Variants in MS4A15 observed in about 807,000 individuals in gnomAD.
MS4A15 encodes the protein membrane spanning 4-domains A15.
MS4A15 carries 22 observed loss-of-function variants against 20.6 expected under a neutral mutation model. The ratio of observed to expected loss-of-function variants is 1.07; its 90% confidence interval spans 0.76 to 1.52. MS4A15 has a LOEUF of 1.52. Among genes scored for constraint, MS4A15 ranks in the 40% most tolerant of loss-of-function variants. MS4A15 has a pLI of 0.00. For missense variants in MS4A15, 312 were observed against 323.0 expected (o/e 0.97, Z 0.26); for synonymous variants, 129 against 129.3 (o/e 1.00, Z 0.02).
intron 3 of MS4A15, among the ~76,000 whole-genome samples, chr11:60,768,125 G>C (rs537648604): frequency 6.6e-6 from 1 of 152,130 alleles, no homozygotes. Context: ...CCCGGGAGGC[G>C]GAGGTTGCAG....
At chr11:60,767,396 C>A in intron 2 of MS4A15, 137 bp from the exon 3 acceptor site, 1 of 1,139,012 alleles carries the variant, frequency 8.8e-7, no homozygotes, top group East Asian at 2.9e-5. Flanking sequence ...AATATCGCCT[C>A]TAAAGAACAG....
In MS4A15 at chr11:60,760,182, G is replaced by A. The variant is rs944865086; in HGVS notation, c.-29+3124G>A. 6.6e-5 allele frequency among the ~76,000 whole-genome samples: 10 copies of A among 152,312 alleles called. No homozygotes were observed. The South Asian group carries it at 1.7e-3, about 25-fold the overall frequency. On this transcript the variant is annotated intron_variant, in intron 1 of 6. Transcript: ENST00000405633. ...GGTCCCTTATCAGAAGGGAACGCTCGAGCTAATGCTCTGGTACACACACAG... is the reference window on the plus strand; with the variant it reads ...GGTCCCTTATCAGAAGGGAACGCTCAAGCTAATGCTCTGGTACACACACAG...
At position 60,771,323 on chromosome 11, in the gene MS4A15, C is replaced by T. The variant is rs376464993; in HGVS notation, c.381C>T (p.Ala127=). The T allele has an allele frequency of 6.8e-5, 110 of 1,614,132 alleles. No individual in the cohort carries two copies. Among genetic ancestry groups the T allele is most frequent in the African/African-American group, 6.5e-4 (49 of 75,034 alleles). The stretch of plus-strand genomic sequence containing the variant: ...TCTCCGGATCCCTCTCAGTGGCAGC[C>T]GAGAAGAACCACACCAGTTGCCTGG... ...FIISGSLSVA[A]EKNHTSCLVR... Residue 127 remains alanine (A), a synonymous_variant, in exon 4 of 7, where the codon GCC becomes GCT. Coordinates refer to ENST00000405633, the MANE Select transcript of MS4A15 (RefSeq NM_001098835.2).
chr11:60,769,121 A>C (rs1176988055), intron 3 of MS4A15, among the ~76,000 whole-genome samples: 1 of 152,168 alleles, frequency 6.6e-6, no homozygotes. Context: ...CCCTCCTGCC[A>C]GGCTTTATCA....
rs113835640 is a variant in MS4A15 at position 60,774,234 on chromosome 11, A to G, written c.612+284A>G. Among the ~76,000 whole-genome samples, 1,437 of 152,152 alleles carry G rather than the reference A, an allele frequency of 9.4e-3. 26 individuals carry two copies. Among genetic ancestry groups the G allele is most frequent in the African/African-American group, 0.033 (1,356 of 41,524 alleles). ...TGAGACAAGCCTGGGCAACATAAAA[A>G]GATCCTATCGCTACAAAAAAAAATG... On this transcript the variant is annotated intron_variant, in intron 6 of 6. Coordinates refer to ENST00000405633, the MANE Select transcript of MS4A15 (RefSeq NM_001098835.2).
intron 3 of MS4A15, 90 bp from the exon 4 acceptor site, chr11:60,771,201 C>A: frequency 6.7e-7 from 1 of 1,483,264 alleles, no homozygotes; most frequent in East Asian, 2.3e-5. Context: ...GCTGTTGTCT[C>A]TCCCTGGCAC....
intron 1 of MS4A15, 146 bp from the exon 2 acceptor site, chr11:60,763,560 A>C: frequency 1.5e-6 from 1 of 652,898 alleles, no homozygotes; most frequent in South Asian, 1.9e-5. Flanking sequence ...CGCTTCTCTG[A>C]GTCTCAGCTT....
Position 60,775,623 on chromosome 11 carries a change from A to G in MS4A15, c.631A>G (p.Asn211Asp). 1.2e-6 allele frequency: 2 copies of G among 1,613,872 alleles called. No homozygotes were observed. The highest frequency in any genetic ancestry group is 4.5e-5 in the East Asian group (2 of 44,878). Residue 211 changes from asparagine (N) to aspartate (D), a missense_variant, in exon 7 of 7, where the codon AAC (asparagine) becomes GAC (aspartate). Physicochemically the swap from Asn to Asp is conservative, Grantham distance 23. Transcript: ENST00000405633. The stretch of plus-strand genomic sequence containing the variant: ...TTTGCAGCCTGTGATCTTCCTGCCA[A>G]ACGCCTTCAGCGCAGACTTCAACAT... ...QASAPVIFLPNAFSADFNIPS... is the reference protein window; with the variant it reads ...QASAPVIFLPDAFSADFNIPS...
At chr11:60,760,381 G>A (rs1207153940) in intron 1 of MS4A15, among the ~76,000 whole-genome samples, 1 of 152,058 alleles carries the variant, frequency 6.6e-6, no homozygotes, top group Non-Finnish European at 1.5e-5. Context: ...TTTTCCTTAG[G>A]ACTTGGTGCC....
At chr11:60,773,558 T>C in intron 5 of MS4A15, 74 bp downstream of exon 5, 1 of 1,407,676 alleles carries the variant, frequency 7.1e-7, no homozygotes, top group South Asian at 1.2e-5. Flanking sequence ...GGTAGGGAGG[T>C]GAGAGTTTGC....
intron 6 of MS4A15, among the ~76,000 whole-genome samples, chr11:60,775,072 T>G (rs142300471): frequency 6.6e-5 from 10 of 152,102 alleles, no homozygotes; most frequent in Non-Finnish European, 7.4e-5. Context: ...CCCCGGCACT[T>G]TGGGAGGCCG....
intron 2 of MS4A15, among the ~76,000 whole-genome samples, chr11:60,765,277 T>C (rs1441293993): frequency 1.3e-5 from 2 of 152,166 alleles, no homozygotes; most frequent in African/African-American, 4.8e-5. Context: ...CAGTTTGTTA[T>C]GTAGGAACTC....
intron 4 of MS4A15, 84 bp downstream of exon 4, chr11:60,771,431 C>A: frequency 6.3e-7 from 1 of 1,586,688 alleles, no homozygotes; most frequent in South Asian, 1.1e-5. Context: ...TCCACTCACT[C>A]CTTCAGCTCA....
chr11:60,769,227 C>T (rs1038198105), intron 3 of MS4A15, among the ~76,000 whole-genome samples: 3 of 152,206 alleles, frequency 2.0e-5, no homozygotes, highest in African/African-American at 7.2e-5. Flanking sequence ...GAGATCCTGA[C>T]AGGACACCTG....
At chr11:60,769,671 A>G (rs190310097) in intron 3 of MS4A15, among the ~76,000 whole-genome samples, 42 of 152,082 alleles carry the variant, frequency 2.8e-4, no homozygotes, top group African/African-American at 9.9e-4. Context: ...TATCCCTCCT[A>G]TCACCTCCTC....
intron 3 of MS4A15, among the ~76,000 whole-genome samples, chr11:60,770,588 A>G (rs1854009701): frequency 6.7e-6 from 1 of 148,758 alleles, no homozygotes; most frequent in South Asian, 2.1e-4. Flanking sequence ...ACAGAGCAAG[A>G]CTCCATCTTA....
rs765175828 is a variant in MS4A15, at chr11:60,775,610, G to A, written c.618G>A (p.Val206=). 7.4e-6 allele frequency: 12 copies of A among 1,613,836 alleles called. No individual in the cohort carries two copies. In the East Asian group the frequency reaches 2.7e-4, roughly 36 times the overall value. ...QAIHAQASAP[V]IFLPNAFSAD... is the part of the protein sequence containing the mutation. ...CAGTGCTGTTTTCTTTGCAGCCTGTGATCTTCCTGCCAAACGCCTTCAGCG... is the reference window on the plus strand; with the variant it reads ...CAGTGCTGTTTTCTTTGCAGCCTGTAATCTTCCTGCCAAACGCCTTCAGCG... Residue 206 remains valine (V), a synonymous_variant, in exon 7 of 7, where the codon GTG becomes GTA. Coordinates refer to ENST00000405633, the MANE Select transcript of MS4A15 (RefSeq NM_001098835.2).
In MS4A15 at chr11:60,775,657, C is replaced by G. The variant is rs968243649; in HGVS notation, c.665C>G (p.Pro222Arg). The G allele has an allele frequency of 6.2e-7, 1 of 1,613,978 alleles. No homozygotes were observed. The highest frequency in any genetic ancestry group is 8.5e-7 in the Non-Finnish European group (1 of 1,179,906). The change falls in exon 7 of 7, where the codon CCG (proline) becomes CGG (arginine). Residue 222 changes from proline (P) to arginine (R), a missense_variant. Coordinates refer to ENST00000405633, the MANE Select transcript of MS4A15 (RefSeq NM_001098835.2). ...AGCGCAGACTTCAACATCCCCAGCC[C>G]GGCAGCCTCTGCGCCCCCTGCCTAT... ...AFSADFNIPS[P>R]AASAPPAYDN...
intron 2 of MS4A15, among the ~76,000 whole-genome samples, chr11:60,766,202 G>A (rs1022621288): frequency 7.2e-5 from 11 of 152,144 alleles, no homozygotes; most frequent in African/African-American, 2.2e-4. Context: ...CCAACATGGC[G>A]AAACCCCGTT....
Sources: allele counts gnomAD v4.1 joint callset (sites outside exome capture counted in the v4.1 genomes callset), GRCh38; gene constraint gnomAD v4.1.1; transcripts MANE v1.5; gene names NCBI Gene and HGNC (gene_info 2026-07-23, HGNC 2026-07-21).